CADPS2: variants seen among roughly 807,000 people sequenced by gnomAD.
CADPS2 encodes the protein calcium dependent secretion activator 2.
Under a neutral mutation model 172.5 loss-of-function variants are expected in CADPS2, and 93 were observed. The ratio of observed to expected loss-of-function variants is 0.54; its 90% CI spans 0.46 to 0.64. The LOEUF (loss-of-function observed/expected upper bound fraction) is 0.64. Ranked by LOEUF, CADPS2 falls within the 30% of genes least tolerant of loss-of-function variation. CADPS2 has a pLI of 0.00. For missense variants in CADPS2, 1,420 were observed against 1,565.9 expected (o/e 0.91, Z 1.57); for synonymous variants, 546 against 555.2 (o/e 0.98, Z 0.23).
intron 9 of CADPS2, among the ~76,000 whole-genome samples, chr7:122,493,691 C>T (rs1324578298): frequency 6.7e-6 from 1 of 149,136 alleles, no homozygotes; most frequent in African/African-American, 2.5e-5. Flanking sequence ...AGATGTAACA[C>T]ATTTTTGCCA....
intron 1 of CADPS2, among the ~76,000 whole-genome samples, chr7:122,798,281 G>A (rs1796840349): frequency 1.3e-5 from 2 of 151,938 alleles, no homozygotes. Context: ...ACTTGTCCAG[G>A]GCTGCAGTTC....
At chr7:122,386,303 T>A in intron 24 of CADPS2, 1 of 1,441,258 alleles carries the variant, frequency 6.9e-7, no homozygotes. Flanking sequence ...ACCCATTGAC[T>A]ACCAAACTGG....
At chr7:122,759,595 T>C (rs1589031337) in intron 1 of CADPS2, among the ~76,000 whole-genome samples, 1 of 152,288 alleles carries the variant, frequency 6.6e-6, no homozygotes, top group African/African-American at 2.4e-5. Context: ...CTGAACATTA[T>C]GTAGAAGGGC....
At chr7:122,388,911 C>T (rs1186417256) in intron 22 of CADPS2, among the ~76,000 whole-genome samples, 173 bp from the exon 23 acceptor site, 1 of 151,956 alleles carries the variant, frequency 6.6e-6, no homozygotes, top group African/African-American at 2.4e-5. Flanking sequence ...CTCTACAATT[C>T]TTAATAAGGC....
intron 15 of CADPS2, among the ~76,000 whole-genome samples, chr7:122,448,331 G>C (rs1239055753): frequency 6.6e-6 from 1 of 151,962 alleles, no homozygotes; most frequent in African/African-American, 2.4e-5. Context: ...GAACAGCATG[G>C]GGGAAACCTC....
At chr7:122,834,534 A>T (rs1052558041) in intron 1 of CADPS2, among the ~76,000 whole-genome samples, 4 of 152,162 alleles carry the variant, frequency 2.6e-5, no homozygotes, top group Non-Finnish European at 5.9e-5. Context: ...TCCCTTTCCT[A>T]GCCAAGGAAA....
intron 1 of CADPS2, among the ~76,000 whole-genome samples, chr7:122,764,176 T>C (rs1370412025): frequency 6.6e-6 from 1 of 152,070 alleles, no homozygotes; most frequent in African/African-American, 2.4e-5. Context: ...AGATATCACA[T>C]TCTCCAGAAT....
chr7:122,578,212 C>CAT lies in CADPS2; in HGVS notation c.1335+2965_1335+2966dup, dbSNP rs34509722. 8.9e-3 allele frequency among the ~76,000 whole-genome samples: 1,346 copies of CAT among 151,468 alleles called. 21 individuals carry two copies. Among genetic ancestry groups the CAT allele is most frequent in the African/African-American group, 0.031 (1,284 of 41,284 alleles). On this transcript the variant is annotated intron_variant, in intron 7 of 29. Coordinates refer to ENST00000449022, the MANE Select transcript of CADPS2 (RefSeq NM_017954.11). ...ATATACATTATTGGTAATGTGTGCA[C>CAT]ATATATATATACCCACACACACATA...
At chr7:122,634,547 T>C (rs2134294117) in intron 3 of CADPS2, among the ~76,000 whole-genome samples, 1 of 152,308 alleles carries the variant, frequency 6.6e-6, no homozygotes, top group Non-Finnish European at 1.5e-5. Flanking sequence ...TGGTTACACT[T>C]GTACGTATCC....
At chr7:122,650,438 ATC>A (rs2079037348) in intron 3 of CADPS2, among the ~76,000 whole-genome samples, 1 of 152,208 alleles carries the variant, frequency 6.6e-6, no homozygotes, top group African/African-American at 2.4e-5. Context: ...CAAAGATGTG[ATC>A]TCTTTGTAAA....
intron 1 of CADPS2, among the ~76,000 whole-genome samples, chr7:122,864,499 CA>C (rs1313504531): frequency 1.3e-5 from 2 of 151,630 alleles, no homozygotes; most frequent in East Asian, 3.9e-4. Context: ...AAAAACAAAC[CA>C]AAAAAACTTA....
intron 13 of CADPS2, among the ~76,000 whole-genome samples, chr7:122,473,611 A>C (rs1375375354): frequency 6.6e-6 from 1 of 152,226 alleles, no homozygotes; most frequent in Non-Finnish European, 1.5e-5. Flanking sequence ...CCAAGAGATT[A>C]AAGTAGTGAT....
Position 122,428,570 on chromosome 7 carries a change from C to T in CADPS2, c.2476+9771G>A, listed in dbSNP as rs1170756129. On this transcript the variant is annotated intron_variant, in intron 17 of 29. Coordinates refer to ENST00000449022, the MANE Select transcript of CADPS2 (RefSeq NM_017954.11). ...GCAACCTCTGCCTCCCAGGTTCAAG[C>T]GATACTCCTGCTTCAGCCTCCCGAG... 5.3e-5 allele frequency among the ~76,000 whole-genome samples: 8 copies of T among 151,192 alleles called. 1 individual carries two copies. The highest frequency in any genetic ancestry group is 4.2e-4 in the South Asian group (2 of 4,792).
intron 1 of CADPS2, among the ~76,000 whole-genome samples, chr7:122,776,400 A>G (rs2093883671): frequency 6.6e-6 from 1 of 152,154 alleles, no homozygotes; most frequent in Admixed American, 6.5e-5. Flanking sequence ...TTTATAAAGT[A>G]ACTACAACAG....
intron 22 of CADPS2, among the ~76,000 whole-genome samples, chr7:122,392,810 CAAGAT>C (rs2044553260): frequency 6.6e-6 from 1 of 152,064 alleles, no homozygotes; most frequent in Non-Finnish European, 1.5e-5. Context: ...TCTACTTGCA[CAAGAT>C]AAGTCATCTG....
intron 9 of CADPS2, among the ~76,000 whole-genome samples, chr7:122,505,977 A>G (rs2059580576): frequency 6.6e-6 from 1 of 152,210 alleles, no homozygotes; most frequent in Admixed American, 6.5e-5. Flanking sequence ...CTGCTGGTTT[A>G]CTAGCCAGTT....
chr7:122,807,120 T>C (rs114410175), intron 1 of CADPS2, among the ~76,000 whole-genome samples: 2,260 of 152,300 alleles, frequency 0.015, 55 homozygotes, highest in African/African-American at 0.052. Context: ...GCCACCCTGC[T>C]ACAAGCAGTG....
At chr7:122,569,537 A>T (rs1366031261) in intron 7 of CADPS2, among the ~76,000 whole-genome samples, 5 of 138,032 alleles carry the variant, frequency 3.6e-5, no homozygotes, top group East Asian at 2.2e-4. Flanking sequence ...ACTACTTTAA[A>T]GTTCATATGG....
chr7:122,757,706 A>G (rs778710329), intron 1 of CADPS2, among the ~76,000 whole-genome samples: 2 of 151,192 alleles, frequency 1.3e-5, no homozygotes, highest in Admixed American at 6.6e-5. Context: ...AAAACAACTG[A>G]CTAACAGCTA....
Sources: gnomAD v4.1 joint callset for allele counts (sites outside exome capture counted in the v4.1 genomes callset) on GRCh38, gnomAD v4.1.1 for gene constraint, MANE v1.5 for transcripts, NCBI Gene and HGNC (gene_info 2026-07-23, HGNC 2026-07-21) for gene names.